The following TBL1X variants were observed in gnomAD, a reference collection of about 807,000 sequenced individuals.
TBL1X encodes transducin beta like 1 X-linked, also known as F-box-like/WD repeat-containing protein TBL1X.
A neutral mutation model predicts 50.7 loss-of-function variants in TBL1X; 10 were observed. That is an observed-to-expected ratio of 0.20 (90% CI 0.12 to 0.33). The LOEUF is 0.33. Among genes scored for constraint, TBL1X ranks in the 10% least tolerant of loss-of-function variants. The pLI is 1.00. For synonymous variants in TBL1X, 190 were observed against 214.7 expected (o/e 0.88, Z 1.01); for missense variants, 340 against 504.4 (o/e 0.67, Z 3.12).
intron 2 of TBL1X, among the ~76,000 whole-genome samples, chrX:9,528,763 T>G: frequency 1.9e-5 from 2 of 106,626 alleles, no homozygotes; most frequent in Admixed American, 1.0e-4. Context: ...TGGGGCGGGG[T>G]CACAGAGTCT....
chrX:9,481,237 A>C (rs1384097207), intron 1 of TBL1X, among the ~76,000 whole-genome samples: 1 of 112,544 alleles, frequency 8.9e-6, no homozygotes, highest in East Asian at 2.8e-4. Context: ...CGAGCAGAAC[A>C]GGAGTTAATT....
At chrX:9,711,907 T>A in intron 16 of TBL1X, 131 bp downstream of exon 16, 1 of 715,678 alleles carries the variant, frequency 1.4e-6, no homozygotes, top group Non-Finnish European at 1.9e-6. Context: ...GCAGACCCAG[T>A]GGATGCTGTC....
intron 2 of TBL1X, among the ~76,000 whole-genome samples, chrX:9,598,805 G>T (rs1205972606): frequency 9.0e-6 from 1 of 111,461 alleles, no homozygotes; most frequent in Non-Finnish European, 1.9e-5. Context: ...TCTGGTGGCT[G>T]CTGGCAGTCT....
In TBL1X at chrX:9,686,653, G is replaced by A. The variant is rs148505780; in HGVS notation, c.358-1364G>A. Among the ~76,000 whole-genome samples the A allele has an allele frequency of 9.2e-3, 1,042 of 112,855 alleles. 19 individuals carry two copies. Among genetic ancestry groups the A allele is most frequent in the African/African-American group, 0.032 (987 of 31,118 alleles). ...TTTGAGGCTGCAGTGAGCCATGACT[G>A]TGCCCCTGCACTCCAGCCTGGATGA... On this transcript the variant is annotated intron_variant, in intron 6 of 17. Coordinates refer to ENST00000645353, the MANE Select transcript of TBL1X (RefSeq NM_005647.4).
intron 1 of TBL1X, among the ~76,000 whole-genome samples, chrX:9,488,026 T>C (rs1420927481): frequency 8.9e-6 from 1 of 111,897 alleles, no homozygotes; most frequent in Non-Finnish European, 1.9e-5. Context: ...CCAAAATTAC[T>C]TTTCCCGGGT....
At chrX:9,526,209 C>T (rs1476039103) in intron 2 of TBL1X, among the ~76,000 whole-genome samples, 2 of 110,845 alleles carry the variant, frequency 1.8e-5, no homozygotes, top group Admixed American at 9.6e-5. Flanking sequence ...CTTTGTAATA[C>T]CTGGTTGACT....
At chrX:9,558,119 C>T (rs776863861) in intron 2 of TBL1X, among the ~76,000 whole-genome samples, 3 of 112,628 alleles carry the variant, frequency 2.7e-5, no homozygotes, top group Non-Finnish European at 3.7e-5. Flanking sequence ...AATTTACAGT[C>T]ATTCTGTATT....
At chrX:9,495,551 C>T in intron 1 of TBL1X, among the ~76,000 whole-genome samples, 1 of 111,388 alleles carries the variant, frequency 9.0e-6, no homozygotes, top group South Asian at 3.8e-4. Context: ...AGTGAGGCTT[C>T]TGCGAACCTC....
chrX:9,653,514 C>T (rs769518255), intron 3 of TBL1X, 31 bp from the exon 4 acceptor site: 105 of 925,386 alleles, frequency 1.1e-4, no homozygotes, highest in Non-Finnish European at 1.5e-4. Flanking sequence ...CAGAGGTGCT[C>T]CCTGCCTTCT....
At chrX:9,489,082 G>T (rs1470619616) in intron 1 of TBL1X, among the ~76,000 whole-genome samples, 2 of 111,229 alleles carry the variant, frequency 1.8e-5, no homozygotes, top group African/African-American at 6.6e-5. Flanking sequence ...GTGTATTGAG[G>T]TCCTCTTTCC....
intron 11 of TBL1X, 56 bp from the exon 12 acceptor site, chrX:9,697,313 C>T: frequency 8.4e-7 from 1 of 1,191,711 alleles, no homozygotes; most frequent in South Asian, 1.8e-5. Flanking sequence ...TAAATGTTTC[C>T]AGAGAAAACT....
At chrX:9,657,198 G>A (rs956114194) in intron 5 of TBL1X, among the ~76,000 whole-genome samples, 2 of 112,138 alleles carry the variant, frequency 1.8e-5, no homozygotes, top group Admixed American at 9.4e-5. Flanking sequence ...GGGGTGGGCA[G>A]TGAGGCAGGG....
At chrX:9,577,243 A>G (rs112139298) in intron 2 of TBL1X, among the ~76,000 whole-genome samples, 6,650 of 111,342 alleles carry the variant, frequency 0.06, 423 homozygotes, top group African/African-American at 0.19. Context: ...TTGGGCACTT[A>G]AAAGATGTGG....
chrX:9,703,286 GGGAAGGGAAGAGATCA>G, intron 12 of TBL1X, among the ~76,000 whole-genome samples: 1 of 108,159 alleles, frequency 9.2e-6, no homozygotes, highest in Non-Finnish European at 1.9e-5. Flanking sequence ...CACCAGAGAA[GGGAAGGGAAGAGATCA>G]CCAGAGAAGG....
chrX:9,653,808 C>T (rs768301248), intron 4 of TBL1X, 119 bp downstream of exon 4: 3 of 642,117 alleles, frequency 4.7e-6, no homozygotes, highest in Admixed American at 3.5e-5. Context: ...TGTTGAATCC[C>T]TCCACGTCTG....
chrX:9,703,826 A>G lies in TBL1X; in HGVS notation c.1115-1167A>G, dbSNP rs185344319. The stretch of plus-strand genomic sequence containing the variant: ...AACCTGCAGCTGCACATCAGTAAAG[A>G]GGCAGAACGAGGAATGAGGTCCATT... On this transcript the variant is annotated intron_variant, in intron 12 of 17. Transcript: ENST00000645353. 3.7e-3 allele frequency among the ~76,000 whole-genome samples: 415 copies of G among 112,024 alleles called. 2 individuals carry two copies. Among genetic ancestry groups the G allele is most frequent in the Middle Eastern group, 0.023 (5 of 217 alleles).
intron 5 of TBL1X, among the ~76,000 whole-genome samples, chrX:9,676,939 T>C (rs189776703): frequency 1.2e-4 from 13 of 112,104 alleles, no homozygotes; most frequent in Non-Finnish European, 7.5e-5. Flanking sequence ...AATCCATCAT[T>C]GTTGAAGTGA....
chrX:9,713,064 A>T (rs6640481), intron 16 of TBL1X, among the ~76,000 whole-genome samples: 41,654 of 109,279 alleles, frequency 0.38, 6,333 homozygotes, highest in East Asian at 0.68. Context: ...TGTGGACTCA[A>T]TGGTGATGAG....
intron 2 of TBL1X, among the ~76,000 whole-genome samples, chrX:9,625,974 T>C (rs2082690730): frequency 9.0e-6 from 1 of 111,280 alleles, no homozygotes; most frequent in South Asian, 3.8e-4. Context: ...GGTCATGTGG[T>C]GTAACGGGAA....
Sources: allele counts gnomAD v4.1 joint callset (sites outside exome capture counted in the v4.1 genomes callset), GRCh38; gene constraint gnomAD v4.1.1; transcripts MANE v1.5; gene names NCBI Gene and HGNC (gene_info 2026-07-23, HGNC 2026-07-21).